Variants in ZFC3H1 observed in about 807,000 individuals in gnomAD.
ZFC3H1 encodes zinc finger C3H1-type containing, also known as zinc finger C3H1 domain-containing protein.
Under a neutral mutation model 243.7 loss-of-function variants are expected in ZFC3H1, and 71 were observed. The ratio of observed to expected loss-of-function variants is 0.29; its 90% confidence interval spans 0.24 to 0.36. The LOEUF (loss-of-function observed/expected upper bound fraction) is 0.36, where lower values mean the gene tolerates loss of function less well. ZFC3H1 is among the 10% of genes least tolerant of loss of function. The probability of loss-of-function intolerance (pLI) is 1.00; values close to 1 mark genes in which losing one functional copy is unlikely to be tolerated. For missense variants in ZFC3H1, 1,966 were observed against 2,317.1 expected, an observed-to-expected ratio of 0.85 and a Z score of 3.11; for synonymous variants, 838 against 813.0, an observed-to-expected ratio of 1.03 and a Z score of -0.52.
At position 71,614,839 on chromosome 12, in the gene ZFC3H1, C is replaced by A. The variant is rs778730957; in HGVS notation, c.5355G>T (p.Trp1785Cys). ...AMRCDIVQKI[W>C]MDYLVFANNR... ...TCAAGAAAACCTAAACTTACTCCAT[C>A]CATATCTTCTGTACTATATCACATC... The change falls in exon 29 of 35, where the codon TGG (tryptophan) becomes TGT (cysteine). Residue 1785 changes from tryptophan to cysteine, a missense_variant. Trp to Cys is a radical substitution (Grantham distance 215). Transcript: ENST00000378743. The A allele has an allele frequency of 6.2e-7, 1 of 1,612,672 alleles. No individual in the cohort carries two copies.
chr12:71,618,546 G>A (rs1489381975), intron 27 of ZFC3H1, among the ~76,000 whole-genome samples: 2 of 152,166 alleles, frequency 1.3e-5, no homozygotes, highest in East Asian at 3.8e-4. Flanking sequence ...CTGGAACACA[G>A]TCATAACCAT....
At position 71,615,288 on chromosome 12, in the gene ZFC3H1, C is replaced by G. The variant is rs767315625; in HGVS notation, c.5173G>C (p.Asp1725His). The G allele has an allele frequency of 6.2e-7, 1 of 1,611,868 alleles. No homozygotes were observed. The highest frequency in any genetic ancestry group is 1.7e-5 in the Admixed American group (1 of 59,864). The part of the protein sequence containing the change: ...RYLLNIPGPI[D>H]IPSRLCKGNF... ...CCTTTACATAAACGAGATGGAATGT[C>G]AATTGGTCCTGGAATATTTAAGAGA... Residue 1725 changes from aspartate (D) to histidine (H), a missense_variant, in exon 28 of 35, where the codon GAC (aspartate) becomes CAC (histidine). Physicochemically the swap from Asp to His is moderately conservative, Grantham distance 81. Around this residue, in one of 4 missense-constraint regions of ZFC3H1, gnomAD observed 1,383 missense variants for 1,723.7 expected, o/e 0.80. Transcript: ENST00000378743.
At position 71,632,593 on chromosome 12, in the gene ZFC3H1, C is replaced by T. The variant is rs139369546; in HGVS notation, c.2818-79G>A. ...TTTTTGGTAAGATAATTGTGCTATC[C>T]CCACCATACAATGCCAACATTATAA... is the stretch of plus-strand genomic sequence containing the variant. On this transcript the variant is annotated intron_variant, in intron 14 of 34. Transcript: ENST00000378743. 9.4e-3 allele frequency: 13,602 copies of T among 1,447,526 alleles called. 76 individuals are homozygous for T. Among genetic ancestry groups the T allele is most frequent in the Non-Finnish European group, 0.011 (12,104 of 1,092,098 alleles). 89.7% of individuals were successfully genotyped at this position (1,447,526 alleles called of 1,614,324 possible). A position where few individuals can be genotyped will look rare whatever the true frequency, so the allele number is the denominator to read the frequency against.
chr12:71,643,957 C>T lies in ZFC3H1; in HGVS notation c.1503+138G>A, dbSNP rs1592597965. ...CCAATACCTACAACTATAAAAGATG[C>T]TTTCCCAATTATAACCTACCTTCCT... On this transcript the variant is annotated intron_variant, in intron 5 of 34. Transcript: ENST00000378743. 1.8e-5 allele frequency: 13 copies of T among 733,252 alleles called. No individual in the cohort carries two copies. The East Asian group carries it at 3.0e-4, about 17-fold the overall frequency. 45.4% of individuals were successfully genotyped at this position (733,252 alleles called of 1,614,324 possible).
chr12:71,634,116 C>G, intron 12 of ZFC3H1, 39 bp downstream of exon 12: 1 of 1,579,372 alleles, frequency 6.3e-7, no homozygotes, highest in Non-Finnish European at 8.6e-7. Context: ...ATTTCTCTAC[C>G]ACAGGAACAA....
At position 71,630,883 on chromosome 12, in the gene ZFC3H1, G is replaced by A. The variant is rs752838503; in HGVS notation, c.3542C>T (p.Pro1181Leu). The A allele has an allele frequency of 1.1e-5, 17 of 1,613,208 alleles. No individual in the cohort carries two copies. The highest frequency in any genetic ancestry group is 2.2e-5 in the East Asian group (1 of 44,792). The change falls in exon 17 of 35, where the codon CCG becomes CTG. Residue 1181 changes from proline to leucine, a missense_variant. Transcript: ENST00000378743. ...SSVSYSNMIE[P>L]DQCFCRFDLT... is the part of the protein sequence containing the mutation. ...ATCAAAACGGCAGAAACACTGATCCGGTTCAATCATATTACTGTATGATAC... is the reference window on the plus strand; with the variant it reads ...ATCAAAACGGCAGAAACACTGATCCAGTTCAATCATATTACTGTATGATAC...
chr12:71,655,140 C>A (rs1565828738), intron 2 of ZFC3H1, among the ~76,000 whole-genome samples: 1 of 151,958 alleles, frequency 6.6e-6, no homozygotes, highest in African/African-American at 2.4e-5. Flanking sequence ...AGAACTCTTA[C>A]AAAAAACTGA....
chr12:71,613,947 T>C (rs1157957245), intron 30 of ZFC3H1, among the ~76,000 whole-genome samples: 2 of 152,184 alleles, frequency 1.3e-5, no homozygotes, highest in Admixed American at 1.3e-4. Context: ...CAAGGAGCTT[T>C]TTAGCCTATA....
intron 2 of ZFC3H1, among the ~76,000 whole-genome samples, chr12:71,648,016 A>G (rs888228326): frequency 1.3e-5 from 2 of 152,198 alleles, no homozygotes; most frequent in Non-Finnish European, 2.9e-5. Flanking sequence ...TCAAAGTTAT[A>G]AGGCAAAATG....
At chr12:71,645,996 CA>C in intron 3 of ZFC3H1, among the ~76,000 whole-genome samples, 1 of 152,150 alleles carries the variant, frequency 6.6e-6, no homozygotes, top group East Asian at 1.9e-4. Flanking sequence ...AAGGAAGAGT[CA>C]AAAAAGATTC....
intron 11 of ZFC3H1, 136 bp downstream of exon 11, chr12:71,634,568 G>A: frequency 9.2e-7 from 1 of 1,087,350 alleles, no homozygotes; most frequent in Non-Finnish European, 1.3e-6. Context: ...ACCATCTTCT[G>A]TGTGAGTTAT....
chr12:71,645,977 T>C (rs1053527318), intron 3 of ZFC3H1, among the ~76,000 whole-genome samples: 2 of 152,134 alleles, frequency 1.3e-5, no homozygotes, highest in Non-Finnish European at 1.5e-5. Flanking sequence ...TGTATGTGCA[T>C]GGAAGGGAAA....
chr12:71,616,921 A>G (rs1213397684), intron 27 of ZFC3H1, among the ~76,000 whole-genome samples: 1 of 152,176 alleles, frequency 6.6e-6, no homozygotes, highest in Non-Finnish European at 1.5e-5. Context: ...TTAAGACTAT[A>G]ATCCCTAGTT....
chr12:71,610,651 T>G, intron 34 of ZFC3H1, 44 bp downstream of exon 34: 5 of 1,612,190 alleles, frequency 3.1e-6, no homozygotes, highest in Non-Finnish European at 4.2e-6. Flanking sequence ...TGCAGAAAAT[T>G]TACAGGAAAA....
chr12:71,629,730 A>G lies in ZFC3H1; in HGVS notation c.3725-20T>C, dbSNP rs1315639629. On this transcript the variant is annotated intron_variant, in intron 18 of 34. Coordinates refer to ENST00000378743, the MANE Select transcript of ZFC3H1 (RefSeq NM_144982.5). Reference sequence around the variant, plus strand: ...ATTTTTCTGAAATAAGAGCAATGCAATCTTCATGATAAATATCAATTACAG... The same window carrying G: ...ATTTTTCTGAAATAAGAGCAATGCAGTCTTCATGATAAATATCAATTACAG... 2 of 1,408,334 alleles carry G rather than the reference A, an allele frequency of 1.4e-6. No homozygotes were observed. Among genetic ancestry groups the G allele is most frequent in the South Asian group, 2.3e-5 (2 of 86,768 alleles). The allele number at this position is 1,408,334 out of a possible 1,614,324, so 87.2% of individuals were successfully genotyped here. A position where few individuals can be genotyped will look rare whatever the true frequency, so the allele number is the denominator to read the frequency against.
At position 71,632,264 on chromosome 12, in the gene ZFC3H1, G is replaced by A; in HGVS notation, c.3068C>T (p.Thr1023Ile). The change falls in exon 15 of 35, where the codon ACC (threonine) becomes ATC (isoleucine). Residue 1023 changes from threonine to isoleucine, a missense_variant. By Grantham distance (89) the Thr-to-Ile change is moderately conservative. Coordinates refer to ENST00000378743, the MANE Select transcript of ZFC3H1 (RefSeq NM_144982.5). ...SLHDLTQDKL[T>I]LDTEENDVDD... Reference sequence around the variant, plus strand: ...AACATCATTTTCTTCAGTGTCCAGGGTTAATTTATCTTGTGTCAGATCATG... The same window carrying A: ...AACATCATTTTCTTCAGTGTCCAGGATTAATTTATCTTGTGTCAGATCATG... 12 of 1,613,806 alleles carry A rather than the reference G, an allele frequency of 7.4e-6. No homozygotes were observed. Among genetic ancestry groups the A allele is most frequent in the Non-Finnish European group, 1.0e-5 (12 of 1,179,858 alleles).
At chr12:71,651,558 A>G (rs1464446717) in intron 2 of ZFC3H1, among the ~76,000 whole-genome samples, 5 of 152,230 alleles carry the variant, frequency 3.3e-5, no homozygotes, top group African/African-American at 1.2e-4. Flanking sequence ...AACATCCACT[A>G]AAATTTGCAA....
chr12:71,641,512 A>G (rs1281896859), intron 6 of ZFC3H1, among the ~76,000 whole-genome samples: 1 of 152,198 alleles, frequency 6.6e-6, no homozygotes, highest in Admixed American at 6.5e-5. Flanking sequence ...CTCAGTCTTA[A>G]GTGTTTTAAA....
intron 16 of ZFC3H1, among the ~76,000 whole-genome samples, chr12:71,631,190 G>A (rs539873438): frequency 2.6e-5 from 4 of 152,076 alleles, no homozygotes; most frequent in Admixed American, 1.3e-4. Context: ...AAAAAACCTT[G>A]TATTCTAAAA....
Sources: gnomAD v4.1 joint callset for allele counts (sites outside exome capture counted in the v4.1 genomes callset) on GRCh38, gnomAD v4.1.1 for gene constraint, gnomAD v4.1.1 regional missense constraint, MANE v1.5 for transcripts, NCBI Gene and HGNC (gene_info 2026-07-23, HGNC 2026-07-21) for gene names.